Variants in CNTNAP2 observed in about 807,000 individuals in gnomAD.
The protein encoded by CNTNAP2 is contactin associated protein 2.
CNTNAP2 carries 98 observed loss-of-function variants against 155.2 expected under a neutral mutation model. The observed-to-expected ratio is 0.63, with a 90% CI of 0.54 to 0.75. The LOEUF is 0.75. Among genes scored for constraint, CNTNAP2 ranks in the 30% least tolerant of loss-of-function variants. CNTNAP2 has a pLI of 0.00. For missense variants in CNTNAP2, 1,727 were observed against 1,688.1 expected (o/e 1.02, Z -0.40); for synonymous variants, 651 against 631.2 (o/e 1.03, Z -0.47).
chr7:147,123,113 C>A (rs758682060), intron 6 of CNTNAP2, among the ~76,000 whole-genome samples: 1 of 151,690 alleles, frequency 6.6e-6, no homozygotes, highest in African/African-American at 2.4e-5. Flanking sequence ...AGTATTTTAT[C>A]CCTCCCCCTA....
intron 1 of CNTNAP2, among the ~76,000 whole-genome samples, chr7:146,416,324 T>A (rs1460523822): frequency 6.6e-6 from 1 of 151,548 alleles, no homozygotes; most frequent in Non-Finnish European, 1.5e-5. Flanking sequence ...AATATAAATG[T>A]TAAGGACGTA....
rs1340201857 is a variant in CNTNAP2 at position 148,229,672 on chromosome 7, G to A, written c.3274G>A (p.Gly1092Ser). 1.9e-6 allele frequency: 3 copies of A among 1,614,008 alleles called. No individual in the cohort carries two copies. Among genetic ancestry groups the A allele is most frequent in the Non-Finnish European group, 2.5e-6 (3 of 1,180,000 alleles). Residue 1092 changes from glycine to serine, a missense_variant, in exon 20 of 24, where the codon GGT (glycine) becomes AGT (serine). Gly to Ser is a moderately conservative substitution (Grantham distance 56). Coordinates refer to ENST00000361727, the MANE Select transcript of CNTNAP2 (RefSeq NM_014141.6). ...AAGCTTACAGATTCGATACAACCTG[G>A]GTGGCACCCGAGAGCCATACAATAT... ...TGSLQIRYNL[G>S]GTREPYNIDV...
At chr7:146,289,088 G>A (rs1800387033) in intron 1 of CNTNAP2, among the ~76,000 whole-genome samples, 1 of 152,070 alleles carries the variant, frequency 6.6e-6, no homozygotes, top group Admixed American at 6.5e-5. Flanking sequence ...ACAGGCATGA[G>A]CCACCGCGCC....
intron 3 of CNTNAP2, among the ~76,000 whole-genome samples, chr7:146,928,986 G>T (rs547940573): frequency 2.0e-5 from 3 of 152,364 alleles, no homozygotes; most frequent in East Asian, 3.9e-4. Flanking sequence ...GCCTGCCTCT[G>T]TAGGCTCCAC....
At chr7:148,063,538 A>G (rs910035561) in intron 15 of CNTNAP2, among the ~76,000 whole-genome samples, 5 of 148,922 alleles carry the variant, frequency 3.4e-5, no homozygotes, top group African/African-American at 1.2e-4. Flanking sequence ...TTTCTTCTGT[A>G]GTGTCTAATC....
chr7:148,279,492 C>A (rs1164175043), intron 21 of CNTNAP2, among the ~76,000 whole-genome samples: 1 of 152,118 alleles, frequency 6.6e-6, no homozygotes, highest in Admixed American at 6.5e-5. Flanking sequence ...CAATGAGGTA[C>A]CCTGGGAGAG....
chr7:147,697,396 G>A (rs912913758), intron 13 of CNTNAP2, among the ~76,000 whole-genome samples: 3 of 151,370 alleles, frequency 2.0e-5, no homozygotes, highest in African/African-American at 7.3e-5. Flanking sequence ...TAATTCGATC[G>A]ATCTCGCCAA....
At chr7:146,376,800 A>G (rs928460267) in intron 1 of CNTNAP2, among the ~76,000 whole-genome samples, 1 of 152,148 alleles carries the variant, frequency 6.6e-6, no homozygotes, top group African/African-American at 2.4e-5. Flanking sequence ...ATCTGCCCTC[A>G]TGAATAGTAT....
In CNTNAP2 at chr7:146,507,742, C is replaced by T. The variant is rs978671191; in HGVS notation, c.98-266529C>T. Among the ~76,000 whole-genome samples the T allele has an allele frequency of 5.9e-5, 9 of 152,254 alleles. No individual in the cohort carries two copies. In the South Asian group the frequency reaches 1.9e-3, roughly 32 times the overall value. On this transcript the variant is annotated intron_variant, in intron 1 of 23. Transcript: ENST00000361727. ...GCCAAATGTTGCTGTAGGAGGGGTG[C>T]CGCTATTTCTAAATCTGCAAGAGAA...
intron 1 of CNTNAP2, among the ~76,000 whole-genome samples, chr7:146,161,517 A>G (rs919826606): frequency 2.0e-5 from 3 of 152,226 alleles, no homozygotes; most frequent in Non-Finnish European, 2.9e-5. Context: ...AAAAGAGGAC[A>G]CAAACAAATT....
intron 1 of CNTNAP2, among the ~76,000 whole-genome samples, chr7:146,737,581 T>A (rs756635427): frequency 1.1e-4 from 17 of 152,140 alleles, no homozygotes; most frequent in Non-Finnish European, 2.2e-4. Flanking sequence ...CGTACCTTAT[T>A]ATACGCTTAT....
intron 17 of CNTNAP2, among the ~76,000 whole-genome samples, chr7:148,154,000 T>A (rs1013283993): frequency 3.3e-5 from 5 of 152,216 alleles, no homozygotes; most frequent in Non-Finnish European, 5.9e-5. Flanking sequence ...GAAGTCAAGC[T>A]CCTAAGTGGC....
intron 1 of CNTNAP2, among the ~76,000 whole-genome samples, chr7:146,536,709 A>G (rs1797874589): frequency 6.6e-6 from 1 of 151,920 alleles, no homozygotes; most frequent in Non-Finnish European, 1.5e-5. Context: ...TTGCTGTGTG[A>G]TAAAACACTC....
intron 12 of CNTNAP2, among the ~76,000 whole-genome samples, chr7:147,618,787 T>A (rs1366704085): frequency 1.3e-5 from 2 of 152,118 alleles, no homozygotes; most frequent in Non-Finnish European, 1.5e-5. Context: ...TTGCTTTTTT[T>A]TCACTGGTCA....
intron 21 of CNTNAP2, among the ~76,000 whole-genome samples, chr7:148,273,778 C>T (rs1049343129): frequency 6.6e-6 from 1 of 152,126 alleles, no homozygotes; most frequent in Non-Finnish European, 1.5e-5. Flanking sequence ...GGTCTCAGAT[C>T]CTCATATTTC....
chr7:148,117,085 C>G lies in CNTNAP2; in HGVS notation c.2384-1033C>G, dbSNP rs114546931. On this transcript the variant is annotated intron_variant, in intron 15 of 23. Transcript: ENST00000361727. ...ATCCCATATTAAATTCTTAGTCCAT[C>G]TGTCCTAATGGAGTCTGAGTAACGC... 2.4e-3 allele frequency among the ~76,000 whole-genome samples: 368 copies of G among 152,322 alleles called. 2 individuals are homozygous for G. The highest frequency in any genetic ancestry group is 8.4e-3 in the African/African-American group (351 of 41,562).
At chr7:148,218,292 C>G (rs1218115367) in intron 19 of CNTNAP2, among the ~76,000 whole-genome samples, 3 of 152,192 alleles carry the variant, frequency 2.0e-5, no homozygotes, top group African/African-American at 7.2e-5. Flanking sequence ...TCTGAACTTT[C>G]AATAGGAGTA....
chr7:146,325,224 T>C (rs1801076916), intron 1 of CNTNAP2, among the ~76,000 whole-genome samples: 1 of 152,116 alleles, frequency 6.6e-6, no homozygotes, highest in Admixed American at 6.6e-5. Context: ...ATACTTCTAA[T>C]TTATATTTGC....
intron 1 of CNTNAP2, among the ~76,000 whole-genome samples, chr7:146,716,717 T>A (rs1322292731): frequency 6.6e-6 from 1 of 152,192 alleles, no homozygotes; most frequent in Non-Finnish European, 1.5e-5. Context: ...CATTATAATA[T>A]CTGCCTACCT....
Sources: allele counts gnomAD v4.1 joint callset (sites outside exome capture counted in the v4.1 genomes callset), GRCh38; gene constraint gnomAD v4.1.1; transcripts MANE v1.5; gene names NCBI Gene and HGNC (gene_info 2026-07-23, HGNC 2026-07-21).